Variants in MTAP observed in about 807,000 individuals in gnomAD.
MTAP encodes the protein S-methyl-5'-thioadenosine phosphorylase.
In MTAP, 33 loss-of-function variants were observed where a neutral mutation model predicts 33.6. The observed-to-expected ratio is 0.98, with a 90% CI of 0.74 to 1.31. The LOEUF (loss-of-function observed/expected upper bound fraction) is 1.31. Ranked by LOEUF, MTAP falls within the 40% of genes most tolerant of loss-of-function variation. MTAP has a pLI of 0.00. For missense variants in MTAP, 367 were observed against 360.0 expected, an observed-to-expected ratio of 1.02 and a Z score of -0.16; for synonymous variants, 148 against 125.7, an observed-to-expected ratio of 1.18 and a Z score of -1.19.
chr9:21,892,346 GACTCA>G (rs147801118), intron 1 of MTAP: 80 of 152,204 alleles, frequency 5.3e-4, no homozygotes, highest in African/African-American at 1.9e-3. Flanking sequence ...AAAGAAGCAA[GACTCA>G]ACTCTATGCT....
At chr9:21,803,587 T>A (rs147423994) in intron 1 of MTAP, among the ~76,000 whole-genome samples, 4 of 152,190 alleles carry the variant, frequency 2.6e-5, no homozygotes, top group Non-Finnish European at 4.4e-5. Context: ...GCACGAGTTC[T>A]GAGAGTAGCA....
chr9:21,936,123 C>T (rs190044370), downstream of MTAP: 5 of 152,162 alleles, frequency 3.3e-5, no homozygotes, highest in Non-Finnish European at 1.5e-5. Flanking sequence ...AGGAGATCTC[C>T]AGTGATGAGT....
intron 1 of MTAP, among the ~76,000 whole-genome samples, chr9:21,872,508 A>G (rs944543206): frequency 6.6e-6 from 1 of 152,154 alleles, no homozygotes; most frequent in South Asian, 2.1e-4. Flanking sequence ...GTTGATACTC[A>G]TGTCCATCTG....
intron 5 of MTAP, among the ~76,000 whole-genome samples, chr9:21,848,977 T>C (rs980399318): frequency 1.3e-5 from 2 of 152,196 alleles, no homozygotes; most frequent in African/African-American, 4.8e-5. Flanking sequence ...CACTGGCTAA[T>C]TAATCACAGC....
chr9:21,844,061 C>T (rs183834459), intron 5 of MTAP, among the ~76,000 whole-genome samples: 6 of 152,220 alleles, frequency 3.9e-5, no homozygotes, highest in Non-Finnish European at 5.9e-5. Context: ...ACAACCAATA[C>T]CACAGAATAC....
chr9:21,858,616 A>G (rs1293247806), intron 6 of MTAP, among the ~76,000 whole-genome samples: 2 of 152,160 alleles, frequency 1.3e-5, no homozygotes, highest in African/African-American at 4.8e-5. Flanking sequence ...GGATGCTGCT[A>G]AACCATTCGT....
At chr9:21,898,826 G>T (rs572297408) in intron 1 of MTAP, among the ~76,000 whole-genome samples, 2 of 152,118 alleles carry the variant, frequency 1.3e-5, no homozygotes, top group African/African-American at 2.4e-5. Flanking sequence ...ACAATGTGGC[G>T]ATTCCTCAAG....
intron 1 of MTAP, among the ~76,000 whole-genome samples, chr9:21,918,911 C>T (rs563961156): frequency 3.3e-5 from 5 of 152,158 alleles, no homozygotes; most frequent in South Asian, 2.1e-4. Flanking sequence ...TTATTAGCAG[C>T]GTGAGAACAG....
intron 1 of MTAP, chr9:21,811,482 G>T: frequency 4.7e-6 from 1 of 214,868 alleles, no homozygotes; most frequent in Non-Finnish European, 9.6e-6. Flanking sequence ...TGCTTTCTTT[G>T]GGGTGTCTTT....
intron 1 of MTAP, chr9:21,812,486 G>A (rs1302417812): frequency 6.6e-6 from 1 of 152,492 alleles, no homozygotes; most frequent in Non-Finnish European, 1.5e-5. Context: ...GTGTAATAAA[G>A]AAGTCCTGGC....
At chr9:21,838,116 A>G (rs1366926645) in intron 5 of MTAP, 106 bp downstream of exon 5, 38 of 843,458 alleles carry the variant, frequency 4.5e-5, no homozygotes, top group Non-Finnish European at 6.2e-5. Context: ...CCCTCACTCA[A>G]GTTTGCTTTG....
chr9:21,825,806 A>G (rs1824781357), intron 4 of MTAP, among the ~76,000 whole-genome samples: 1 of 151,926 alleles, frequency 6.6e-6, no homozygotes, highest in Non-Finnish European at 1.5e-5. Context: ...GCACCACTAC[A>G]CTCCAGCCTG....
chr9:21,905,433 A>G (rs1194601565), intron 1 of MTAP, among the ~76,000 whole-genome samples: 3 of 151,996 alleles, frequency 2.0e-5, no homozygotes, highest in African/African-American at 7.3e-5. Context: ...ATAAATTAAA[A>G]CCAGCATAAA....
At position 21,931,162 on chromosome 9, in the gene MTAP, TCCAACAAC is replaced by T; in HGVS notation, c.306_313del (p.Gln102HisfsTer7). 1.3e-6 allele frequency: 1 copy of T among 751,278 alleles called. No individual in the cohort carries two copies. The highest frequency in any genetic ancestry group is 2.5e-5 in the East Asian group (1 of 40,636). 46.5% of individuals were successfully genotyped at this position (751,278 alleles called of 1,614,324 possible). On this transcript the variant is annotated frameshift_variant, in exon 2 of 2. Transcript: ENST00000577563. LOFTEE classifies it high-confidence loss of function. ...CCCTTAGACCTGGCTGGATACTGCT[TCCAACAAC>T]CCATGCAGCCACCCTGCCCTGACAG...
At position 21,850,737 on chromosome 9, in the gene MTAP, C is replaced by T. The variant is rs535995215; in HGVS notation, c.451-3894C>T. Among the ~76,000 whole-genome samples, 10 of 152,300 alleles carry T rather than the reference C, an allele frequency of 6.6e-5. No homozygotes were observed. The East Asian group carries it at 1.7e-3, about 26-fold the overall frequency. On this transcript the variant is annotated intron_variant, in intron 5 of 7. Transcript: ENST00000644715. ...TTTTGACTATGGGTCATCAAGTCAC[C>T]ATGCGACCTGAACTGCCTATCATGA...
chr9:21,935,205 A>T (rs1020535443), downstream of MTAP: 4 of 152,212 alleles, frequency 2.6e-5, no homozygotes, highest in Non-Finnish European at 5.9e-5. Context: ...GAATACAACA[A>T]TTGAATTGTA....
downstream of MTAP, among the ~76,000 whole-genome samples, chr9:21,871,679 C>T (rs556147743): frequency 3.3e-5 from 5 of 152,258 alleles, no homozygotes; most frequent in East Asian, 9.6e-4. Context: ...AGCCATCCTT[C>T]GGTTTCCACC....
At chr9:21,885,052 A>G (rs1445332016) in intron 1 of MTAP, among the ~76,000 whole-genome samples, 5 of 152,252 alleles carry the variant, frequency 3.3e-5, no homozygotes, top group Non-Finnish European at 7.4e-5. Flanking sequence ...TCTCAATGTG[A>G]TGATAGTTAA....
chr9:21,825,683 A>C (rs1824776804), intron 4 of MTAP, among the ~76,000 whole-genome samples: 1 of 152,170 alleles, frequency 6.6e-6, no homozygotes, highest in Non-Finnish European at 1.5e-5. Flanking sequence ...GTAAAAAATA[A>C]AACAAAAATT....
Sources: gnomAD v4.1 joint callset for allele counts (sites outside exome capture counted in the v4.1 genomes callset) on GRCh38, gnomAD v4.1.1 for gene constraint, MANE v1.5 for transcripts, NCBI Gene and HGNC (gene_info 2026-07-23, HGNC 2026-07-21) for gene names.